LRRC1: variants seen among roughly 807,000 people sequenced by gnomAD.
The protein encoded by LRRC1 is leucine rich repeat containing 1.
In LRRC1, 28 loss-of-function variants were observed where a neutral mutation model predicts 69.9. The observed-to-expected ratio is 0.40, with a 90% CI of 0.30 to 0.55. The LOEUF (loss-of-function observed/expected upper bound fraction) is 0.55, where lower values mean the gene tolerates loss of function less well. LRRC1 is among the 20% of genes least tolerant of loss of function. The pLI is 0.47. For missense variants in LRRC1, 498 were observed against 609.0 expected, an observed-to-expected ratio of 0.82 and a Z score of 1.92; for synonymous variants, 236 against 240.2, an observed-to-expected ratio of 0.98 and a Z score of 0.16.
intron 2 of LRRC1, among the ~76,000 whole-genome samples, chr6:53,845,126 C>A (rs916072123): frequency 6.6e-6 from 1 of 152,186 alleles, no homozygotes; most frequent in Non-Finnish European, 1.5e-5. Flanking sequence ...ATCGCTTGAA[C>A]CCGGGAGGTG....
chr6:53,883,940 A>G (rs774268612), intron 4 of LRRC1: 31 of 717,818 alleles, frequency 4.3e-5, no homozygotes, highest in Non-Finnish European at 6.5e-5. Context: ...TTTCCTTTCT[A>G]TCCTCTTCAG....
At position 53,806,227 on chromosome 6, in the gene LRRC1, A is replaced by G. The variant is rs78846444; in HGVS notation, c.159+10812A>G. Among the ~76,000 whole-genome samples the G allele has an allele frequency of 8.3e-3, 1,258 of 152,308 alleles. 12 individuals carry two copies. Among genetic ancestry groups the G allele is most frequent in the African/African-American group, 0.028 (1,147 of 41,566 alleles). ...ATCAGAGCGAGTTTCTTAAAGCTAC[A>G]CATCTTTTCTTTGCATTCCTGCTGC... is the stretch of plus-strand genomic sequence containing the variant. On this transcript the variant is annotated intron_variant, in intron 1 of 13. Transcript: ENST00000370888.
intron 2 of LRRC1, among the ~76,000 whole-genome samples, chr6:53,863,231 C>T (rs1766588514): frequency 2.0e-5 from 3 of 152,158 alleles, no homozygotes; most frequent in South Asian, 4.2e-4. Flanking sequence ...ATGTTTTCTG[C>T]CCTGTGGCCC....
At chr6:53,838,402 G>C (rs1765672825) in intron 1 of LRRC1, among the ~76,000 whole-genome samples, 1 of 152,142 alleles carries the variant, frequency 6.6e-6, no homozygotes, top group Non-Finnish European at 1.5e-5. Context: ...TGGATGTGAG[G>C]ATTTGTAGGT....
At chr6:53,830,227 G>T (rs1187828306) in intron 1 of LRRC1, among the ~76,000 whole-genome samples, 1 of 152,198 alleles carries the variant, frequency 6.6e-6, no homozygotes, top group East Asian at 1.9e-4. Context: ...AAAATAAAAT[G>T]TAAAGACTGT....
chr6:53,878,456 T>C (rs1489758907), intron 2 of LRRC1, among the ~76,000 whole-genome samples: 3 of 152,192 alleles, frequency 2.0e-5, no homozygotes, highest in Non-Finnish European at 4.4e-5. Flanking sequence ...CTGGGGGTGA[T>C]GGGAAACAGA....
intron 1 of LRRC1, among the ~76,000 whole-genome samples, chr6:53,795,710 C>T (rs1764277619): frequency 6.6e-6 from 1 of 152,228 alleles, no homozygotes; most frequent in Admixed American, 6.5e-5. Flanking sequence ...GGTACTGACA[C>T]CTGGCACTTG....
chr6:53,864,992 G>A (rs866896906), intron 2 of LRRC1, among the ~76,000 whole-genome samples: 1 of 152,126 alleles, frequency 6.6e-6, no homozygotes, highest in African/African-American at 2.4e-5. Flanking sequence ...GAAAGGAGGC[G>A]ATTGCGTGTG....
intron 2 of LRRC1, among the ~76,000 whole-genome samples, chr6:53,875,332 A>G (rs1161169574): frequency 1.3e-5 from 2 of 152,220 alleles, no homozygotes; most frequent in Non-Finnish European, 2.9e-5. Flanking sequence ...AAGAACAGCA[A>G]ACTACTTGGA....
chr6:53,845,777 A>G (rs775187828), intron 2 of LRRC1, among the ~76,000 whole-genome samples: 4 of 152,148 alleles, frequency 2.6e-5, no homozygotes, highest in Non-Finnish European at 4.4e-5. Context: ...GGATCTGGAG[A>G]TTCTGTATTG....
At chr6:53,916,450 C>T (rs1435531931) in intron 11 of LRRC1, among the ~76,000 whole-genome samples, 2 of 151,938 alleles carry the variant, frequency 1.3e-5, no homozygotes, top group Admixed American at 1.3e-4. Flanking sequence ...AGAAAGAGAC[C>T]CAAGATACTG....
In LRRC1 at chr6:53,838,443, T is replaced by C. The variant is rs1765674098; in HGVS notation, c.160-3667T>C. 3.9e-5 allele frequency among the ~76,000 whole-genome samples: 6 copies of C among 152,232 alleles called. No homozygotes were observed. In the South Asian group the frequency reaches 1.0e-3, roughly 26 times the overall value. ...TTTCCACAGATGTAAAGTGAACTTA[T>C]TATTCACTGTACATCTAAGTACCTT... On this transcript the variant is annotated intron_variant, in intron 1 of 13. Transcript: ENST00000370888.
intron 2 of LRRC1, among the ~76,000 whole-genome samples, chr6:53,870,140 G>T (rs1286747112): frequency 6.6e-6 from 1 of 152,054 alleles, no homozygotes; most frequent in Non-Finnish European, 1.5e-5. Context: ...GCTATGTCTG[G>T]ACTTAGTCCA....
At chr6:53,896,606 AT>A in intron 5 of LRRC1, 52 bp downstream of exon 5, 1 of 1,526,842 alleles carries the variant, frequency 6.5e-7, no homozygotes, top group South Asian at 1.1e-5. Flanking sequence ...GAATTTAAGT[AT>A]TTAAAAAAAC....
chr6:53,919,813 G>T, intron 12 of LRRC1, 143 bp downstream of exon 12: 1 of 631,038 alleles, frequency 1.6e-6, no homozygotes, highest in Non-Finnish European at 2.6e-6. Context: ...GCCACTGTGG[G>T]ACTCTTCCGG....
chr6:53,799,133 A>ATTT (rs1764392219), intron 1 of LRRC1, among the ~76,000 whole-genome samples: 1 of 152,218 alleles, frequency 6.6e-6, no homozygotes, highest in Non-Finnish European at 1.5e-5. Context: ...TAAAAATTTG[A>ATTT]ATTTCACCTT....
At chr6:53,810,131 AGAAGGAAGGCAG>A (rs1325493970) in intron 1 of LRRC1, among the ~76,000 whole-genome samples, 1 of 152,186 alleles carries the variant, frequency 6.6e-6, no homozygotes, top group Non-Finnish European at 1.5e-5. Context: ...GTCTGCTGCA[AGAAGGAAGGCAG>A]GAAGGAAGGC....
intron 1 of LRRC1, among the ~76,000 whole-genome samples, chr6:53,812,186 G>C (rs1055752888): frequency 6.6e-5 from 10 of 152,208 alleles, no homozygotes; most frequent in Admixed American, 5.9e-4. Context: ...GGAGTGTCTT[G>C]TTAGACACTG....
At chr6:53,904,504 AAATAAT>A (rs746369307) in intron 10 of LRRC1, 42 bp downstream of exon 10, 7 of 1,248,898 alleles carry the variant, frequency 5.6e-6, no homozygotes, top group African/African-American at 1.5e-5. Flanking sequence ...AATTATGAAG[AAATAAT>A]AATAATACAT....
Sources: gnomAD v4.1 joint callset for allele counts (sites outside exome capture counted in the v4.1 genomes callset) on GRCh38, gnomAD v4.1.1 for gene constraint, MANE v1.5 for transcripts, NCBI Gene and HGNC (gene_info 2026-07-23, HGNC 2026-07-21) for gene names.